TTC27: variants seen among roughly 807,000 people sequenced by gnomAD.
TTC27 encodes the protein tetratricopeptide repeat domain 27.
TTC27 carries 79 observed loss-of-function variants against 115.9 expected under a neutral mutation model. That is an observed-to-expected ratio of 0.68 (90% CI 0.57 to 0.82). TTC27 has a LOEUF of 0.82. Among genes scored for constraint, TTC27 ranks in the 40% least tolerant of loss-of-function variants. The probability of loss-of-function intolerance (pLI) is 0.00; values close to 1 mark genes in which losing one functional copy is unlikely to be tolerated. For synonymous variants in TTC27, 401 were observed against 356.0 expected (o/e 1.13, Z -1.42); for missense variants, 1,054 against 993.1 (o/e 1.06, Z -0.82).
chr2:32,816,998 T>A (rs1671521169), intron 18 of TTC27, among the ~76,000 whole-genome samples: 2 of 152,208 alleles, frequency 1.3e-5, no homozygotes, highest in South Asian at 4.1e-4. Context: ...CTCGAATGCA[T>A]GCGTGTATAT....
intron 10 of TTC27, among the ~76,000 whole-genome samples, chr2:32,708,304 G>GTTTCTTTTTTTTTTTTTT (rs1667450361): frequency 1.6e-5 from 1 of 61,348 alleles, no homozygotes; most frequent in Non-Finnish European, 3.1e-5. Flanking sequence ...TCTCTACCTT[G>GTTTCTTTTTTTTTTTTTT]TTTTTTTTTT....
At chr2:32,638,482 G>T (rs768859718) in intron 3 of TTC27, among the ~76,000 whole-genome samples, 2 of 152,096 alleles carry the variant, frequency 1.3e-5, no homozygotes, top group Admixed American at 6.6e-5. Flanking sequence ...AGGTTCAAGC[G>T]ATTCTCCTGC....
chr2:32,739,486 T>A (rs1668555559), intron 12 of TTC27, among the ~76,000 whole-genome samples: 1 of 152,188 alleles, frequency 6.6e-6, no homozygotes. Flanking sequence ...ATTATTTTTT[T>A]AAATGTGCAC....
Position 32,811,015 on chromosome 2 carries a change from A to G in TTC27, c.1999-9A>G. ...TCTAACTTACCAGTTTGTTCTGTGC[A>G]TTTTTAAGGTCCTTAAAATTCTAGT... On this transcript the variant is annotated splice_polypyrimidine_tract_variant and intron_variant, in intron 16 of 19. Coordinates refer to ENST00000317907, the MANE Select transcript of TTC27 (RefSeq NM_017735.5). 1 of 1,614,084 alleles carries G rather than the reference A, an allele frequency of 6.2e-7. No homozygotes were observed. Among genetic ancestry groups the G allele is most frequent in the South Asian group, 1.1e-5 (1 of 91,074 alleles).
chr2:32,734,256 C>T (rs1041825315), intron 11 of TTC27, among the ~76,000 whole-genome samples: 2 of 151,838 alleles, frequency 1.3e-5, no homozygotes, highest in African/African-American at 2.4e-5. Context: ...AGTGCTGTGG[C>T]GATTCACGGG....
intron 16 of TTC27, among the ~76,000 whole-genome samples, chr2:32,806,869 T>C (rs1671149365): frequency 6.6e-6 from 1 of 152,240 alleles, no homozygotes; most frequent in East Asian, 1.9e-4. Context: ...TAACACTACA[T>C]ATTTTTACTT....
In TTC27 at chr2:32,753,737, G is replaced by A. The variant is rs1572578063; in HGVS notation, c.1453-4555G>A. ...GTTGGGATTACAGGCTTGAGCCACC[G>A]TGTGGAGCCCAAATGCCCTAACATT... On this transcript the variant is annotated intron_variant, in intron 12 of 19. Transcript: ENST00000317907. Among the ~76,000 whole-genome samples the A allele has an allele frequency of 2.7e-5, 4 of 149,796 alleles. No individual in the cohort carries two copies. The South Asian group carries it at 9.2e-4, about 34-fold the overall frequency.
intron 16 of TTC27, among the ~76,000 whole-genome samples, chr2:32,793,240 T>C (rs941738124): frequency 1.3e-5 from 2 of 152,138 alleles, no homozygotes; most frequent in African/African-American, 4.8e-5. Context: ...GGCAGTGGAC[T>C]GATATATTCA....
At chr2:32,731,591 C>T (rs1310885084) in intron 10 of TTC27, among the ~76,000 whole-genome samples, 1 of 152,132 alleles carries the variant, frequency 6.6e-6, no homozygotes, top group South Asian at 2.1e-4. Context: ...GTTGCCCAGG[C>T]TGGTCTTGAA....
intron 16 of TTC27, among the ~76,000 whole-genome samples, chr2:32,800,909 A>G (rs768557973): frequency 1.1e-3 from 174 of 152,162 alleles, no homozygotes; most frequent in Non-Finnish European, 1.9e-3. Context: ...TCGCTTGGTG[A>G]TGAAAAAAAC....
At chr2:32,672,435 C>T (rs1224458738) in intron 8 of TTC27, 51 bp downstream of exon 8, 25 of 1,345,076 alleles carry the variant, frequency 1.9e-5, no homozygotes, top group Non-Finnish European at 2.3e-5. Flanking sequence ...TATTGATTCT[C>T]TTATGTGTGG....
intron 5 of TTC27, 124 bp downstream of exon 5, chr2:32,650,357 T>TC: frequency 4.1e-6 from 1 of 243,420 alleles, no homozygotes; most frequent in Non-Finnish European, 7.8e-6. Flanking sequence ...TTGTTTCTTT[T>TC]TTTTTTTTTT....
At chr2:32,790,130 G>A (rs959327510) in intron 16 of TTC27, among the ~76,000 whole-genome samples, 1 of 151,682 alleles carries the variant, frequency 6.6e-6, no homozygotes, top group African/African-American at 2.4e-5. Flanking sequence ...ACATATTTTA[G>A]TGGTCATAGT....
Position 32,639,562 on chromosome 2 carries a change from G to T in TTC27, c.397-708G>T, listed in dbSNP as rs376780491. Among the ~76,000 whole-genome samples the T allele has an allele frequency of 3.3e-5, 5 of 152,192 alleles. No individual in the cohort carries two copies. The East Asian group carries it at 5.8e-4, about 18-fold the overall frequency. On this transcript the variant is annotated intron_variant, in intron 3 of 19. Coordinates refer to ENST00000317907, the MANE Select transcript of TTC27 (RefSeq NM_017735.5). ...ATTGAAGCTTAAGTGAAATGTAGGT[G>T]TTTAATATAAATATCAAATACACTA...
chr2:32,820,811 T>G lies in TTC27; in HGVS notation c.2410-5T>G, dbSNP rs907865736. The G allele has an allele frequency of 1.4e-4, 213 of 1,530,520 alleles. No homozygotes were observed. The highest frequency in any genetic ancestry group is 1.8e-4 in the Non-Finnish European group (202 of 1,134,756). The allele number at this position is 1,530,520 out of a possible 1,614,324, so 94.8% of individuals were successfully genotyped here. ...AATACTTCTGCTTTGTTTTTTATAT[T>G]ACAGCAACTTTTTACAGATGTGGCA... On this transcript the variant is annotated splice_region_variant and splice_polypyrimidine_tract_variant and intron_variant, in intron 19 of 19. Coordinates refer to ENST00000317907, the MANE Select transcript of TTC27 (RefSeq NM_017735.5).
intron 12 of TTC27, among the ~76,000 whole-genome samples, chr2:32,750,275 G>A (rs1488093103): frequency 6.6e-6 from 1 of 152,244 alleles, no homozygotes; most frequent in Non-Finnish European, 1.5e-5. Flanking sequence ...GCCTGGGGAT[G>A]CTATAGGTCA....
intron 3 of TTC27, among the ~76,000 whole-genome samples, chr2:32,638,674 G>A (rs542395447): frequency 2.0e-4 from 31 of 152,244 alleles, no homozygotes; most frequent in African/African-American, 7.0e-4. Flanking sequence ...CACTGTGCCC[G>A]GCCCTCCTTC....
At chr2:32,712,532 C>T (rs533335789) in intron 10 of TTC27, among the ~76,000 whole-genome samples, 2 of 152,024 alleles carry the variant, frequency 1.3e-5, no homozygotes, top group African/African-American at 4.8e-5. Context: ...TTTCCTTCCG[C>T]ATCTGATCTA....
intron 12 of TTC27, among the ~76,000 whole-genome samples, chr2:32,740,652 TTTAC>T (rs544775198): frequency 1.6e-3 from 241 of 152,218 alleles, no homozygotes; most frequent in Non-Finnish European, 1.5e-3. Context: ...TATTTATTTA[TTTAC>T]TTACTTACTT....
Sources: allele counts gnomAD v4.1 joint callset (sites outside exome capture counted in the v4.1 genomes callset), GRCh38; gene constraint gnomAD v4.1.1; transcripts MANE v1.5; gene names NCBI Gene and HGNC (gene_info 2026-07-23, HGNC 2026-07-21).